Variants in RASSF9 observed in about 807,000 individuals in gnomAD.
RASSF9 encodes the protein ras association domain-containing protein 9.
A neutral mutation model predicts 21.4 loss-of-function variants in RASSF9; 18 were observed. The observed-to-expected ratio is 0.84, with a 90% CI of 0.58 to 1.25. The LOEUF is 1.25. RASSF9 is among the 50% of genes most tolerant of loss of function. RASSF9 has a pLI of 0.00. For synonymous variants in RASSF9, 183 were observed against 179.1 expected, an observed-to-expected ratio of 1.02 and a Z score of -0.18; for missense variants, 480 against 503.2, an observed-to-expected ratio of 0.95 and a Z score of 0.44.
chr12:85,833,488 T>C (rs1350975950), intron 1 of RASSF9, among the ~76,000 whole-genome samples: 1 of 151,936 alleles, frequency 6.6e-6, no homozygotes, highest in Non-Finnish European at 1.5e-5. Context: ...TGTCTGTCTC[T>C]AAAACTCTCA....
At chr12:85,808,768 G>A (rs1433261298) in intron 1 of RASSF9, among the ~76,000 whole-genome samples, 5 of 151,842 alleles carry the variant, frequency 3.3e-5, no homozygotes, top group African/African-American at 9.7e-5. Flanking sequence ...AATATTCTAT[G>A]TACTTATTGC....
At chr12:85,828,520 A>G (rs1880382350) in intron 1 of RASSF9, among the ~76,000 whole-genome samples, 1 of 152,122 alleles carries the variant, frequency 6.6e-6, no homozygotes, top group African/African-American at 2.4e-5. Flanking sequence ...AAAATAAAAT[A>G]TTATGAGCAT....
chr12:85,814,538 C>T (rs775480683), intron 1 of RASSF9, among the ~76,000 whole-genome samples: 19 of 152,046 alleles, frequency 1.2e-4, no homozygotes, highest in South Asian at 2.1e-4. Flanking sequence ...CTTACCACTT[C>T]TAGGGAATCT....
At chr12:85,821,596 A>AT (rs1880211930) in intron 1 of RASSF9, among the ~76,000 whole-genome samples, 1 of 152,212 alleles carries the variant, frequency 6.6e-6, no homozygotes, top group African/African-American at 2.4e-5. Flanking sequence ...TCATCACTTA[A>AT]TAAAAACAAA....
chr12:85,816,175 G>A (rs552869049), intron 1 of RASSF9, among the ~76,000 whole-genome samples: 1 of 151,934 alleles, frequency 6.6e-6, no homozygotes, highest in Non-Finnish European at 1.5e-5. Context: ...GTGGGAGGAG[G>A]GAGAGGTTCA....
intron 1 of RASSF9, among the ~76,000 whole-genome samples, chr12:85,831,049 G>A (rs189512323): frequency 6.6e-6 from 1 of 152,014 alleles, no homozygotes; most frequent in Non-Finnish European, 1.5e-5. Context: ...ATATCATGAG[G>A]TTTCATTTTA....
intron 1 of RASSF9, among the ~76,000 whole-genome samples, chr12:85,818,522 A>G (rs977014844): frequency 1.3e-5 from 2 of 152,258 alleles, no homozygotes; most frequent in Non-Finnish European, 2.9e-5. Flanking sequence ...GCATAAAAAC[A>G]TAAGACAATA....
chr12:85,823,694 TC>T (rs1880267108), intron 1 of RASSF9, among the ~76,000 whole-genome samples: 1 of 152,178 alleles, frequency 6.6e-6, no homozygotes, highest in African/African-American at 2.4e-5. Context: ...TGGAATGCAG[TC>T]CTGAGACTGC....
intron 1 of RASSF9, among the ~76,000 whole-genome samples, chr12:85,826,621 G>GCCACACACA (rs1258959472): frequency 0.049 from 7,344 of 150,914 alleles, 373 homozygotes; most frequent in African/African-American, 0.13. Context: ...CTAATTTTTT[G>GCCACACACA]TATTTTTAGT....
At chr12:85,821,524 A>T (rs1271105716) in intron 1 of RASSF9, among the ~76,000 whole-genome samples, 1 of 152,140 alleles carries the variant, frequency 6.6e-6, no homozygotes, top group African/African-American at 2.4e-5. Flanking sequence ...AACATTTTTT[A>T]AAAATAGTTT....
Position 85,804,570 on chromosome 12 carries a change from T to A in RASSF9, c.*132A>T, listed in dbSNP as rs1453768799. ...TTTCACATCAGAAACAACACATTTC[T>A]CGAGTTTTTATTAACTATTGAATAC... is the stretch of plus-strand genomic sequence containing the variant. On this transcript the variant is annotated 3_prime_UTR_variant, in exon 2 of 2. Transcript: ENST00000361228. 9 of 907,224 alleles carry A rather than the reference T, an allele frequency of 9.9e-6. No individual in the cohort carries two copies. The East Asian group carries it at 2.6e-4, about 26-fold the overall frequency. The allele number at this position is 907,224 out of a possible 1,614,324, so 56.2% of individuals were successfully genotyped here.
chr12:85,834,444 G>A (rs1027662693), intron 1 of RASSF9, among the ~76,000 whole-genome samples: 19 of 152,020 alleles, frequency 1.2e-4, no homozygotes, highest in African/African-American at 4.3e-4. Context: ...TCGAAAGAAA[G>A]CTAGTTTTAT....
intron 1 of RASSF9, among the ~76,000 whole-genome samples, chr12:85,816,101 A>G (rs1247498223): frequency 6.6e-6 from 1 of 152,112 alleles, no homozygotes; most frequent in Non-Finnish European, 1.5e-5. Context: ...GAGGGCGCTA[A>G]ATGATGAGAA....
chr12:85,825,498 A>G lies in RASSF9; in HGVS notation c.47+10657T>C, dbSNP rs145048824. On this transcript the variant is annotated intron_variant, in intron 1 of 1. Coordinates refer to ENST00000361228, the MANE Select transcript of RASSF9 (RefSeq NM_005447.4). Reference sequence around the variant, plus strand: ...ACCTGTTTTTGTAAATAAAAGTTTTATTGAAACACAGCCACATCAATTTCA... The same window carrying G: ...ACCTGTTTTTGTAAATAAAAGTTTTGTTGAAACACAGCCACATCAATTTCA... Among the ~76,000 whole-genome samples, 344 of 152,300 alleles carry G rather than the reference A, an allele frequency of 2.3e-3. 2 individuals are homozygous for G. The highest frequency in any genetic ancestry group is 7.7e-3 in the African/African-American group (318 of 41,566).
rs1324186484 is a variant in RASSF9, at chr12:85,836,406, T to C, written c.-205A>G. ...TGCTTAACTTTGAACTGCGGGATTGTTGTGGCTGCTGCACCTCTGGAGACC... is the reference window on the plus strand; with the variant it reads ...TGCTTAACTTTGAACTGCGGGATTGCTGTGGCTGCTGCACCTCTGGAGACC... On this transcript the variant is annotated 5_prime_UTR_variant, in exon 1 of 2. Transcript: ENST00000361228. The C allele has an allele frequency of 1.7e-6, 2 of 1,181,394 alleles. No individual in the cohort carries two copies. The highest frequency in any genetic ancestry group is 3.1e-5 in the African/African-American group (2 of 64,680). 73.2% of individuals were successfully genotyped at this position (1,181,394 alleles called of 1,614,324 possible).
At chr12:85,829,390 G>T (rs1292350979) in intron 1 of RASSF9, among the ~76,000 whole-genome samples, 1 of 152,058 alleles carries the variant, frequency 6.6e-6, no homozygotes, top group African/African-American at 2.4e-5. Flanking sequence ...AGAATAAACA[G>T]AAGTCAACTG....
chr12:85,829,422 T>A (rs987878147), intron 1 of RASSF9, among the ~76,000 whole-genome samples: 1 of 152,146 alleles, frequency 6.6e-6, no homozygotes, highest in Non-Finnish European at 1.5e-5. Flanking sequence ...CAACCGACAA[T>A]GTTATATAAA....
At chr12:85,813,342 C>T (rs989290549) in intron 1 of RASSF9, among the ~76,000 whole-genome samples, 1 of 151,766 alleles carries the variant, frequency 6.6e-6, no homozygotes, top group South Asian at 2.1e-4. Context: ...AAAAATTACA[C>T]AGAATTAAAA....
At chr12:85,826,448 T>TA (rs10692816) in intron 1 of RASSF9, among the ~76,000 whole-genome samples, 8 of 54,052 alleles carry the variant, frequency 1.5e-4, no homozygotes, top group South Asian at 3.6e-4. Flanking sequence ...CCTTCCAATA[T>TA]TTTTTTTTTT....
Sources: allele counts gnomAD v4.1 joint callset (sites outside exome capture counted in the v4.1 genomes callset), GRCh38; gene constraint gnomAD v4.1.1; transcripts MANE v1.5; gene names NCBI Gene and HGNC (gene_info 2026-07-23, HGNC 2026-07-21).